The following FARP1 variants were observed in gnomAD, a reference collection of about 807,000 sequenced individuals.
FARP1 encodes FERM, ARHGEF and pleckstrin domain-containing protein 1.
In FARP1, 52 loss-of-function variants were observed where a neutral mutation model predicts 128.8. The ratio of observed to expected loss-of-function variants is 0.40; its 90% CI spans 0.32 to 0.51. FARP1 has a LOEUF of 0.51. FARP1 is among the 20% of genes least tolerant of loss of function. The probability of loss-of-function intolerance (pLI) is 0.45; values close to 1 mark genes in which losing one functional copy is unlikely to be tolerated. For missense variants in FARP1, 1,333 were observed against 1,367.9 expected, an observed-to-expected ratio of 0.97 and a Z score of 0.40; for synonymous variants, 580 against 551.8, an observed-to-expected ratio of 1.05 and a Z score of -0.72.
chr13:98,369,353 C>CTTT (rs35605642), intron 5 of FARP1, among the ~76,000 whole-genome samples: 5 of 139,100 alleles, frequency 3.6e-5, no homozygotes, highest in Non-Finnish European at 6.2e-5. Context: ...CAGCCTAATT[C>CTTT]TTTTTTTTTT....
At chr13:98,397,914 A>AG (rs1890613452) in intron 13 of FARP1, 1 of 113,718 alleles carries the variant, frequency 8.8e-6, no homozygotes, top group South Asian at 2.9e-4. Context: ...AAAAAAAAAA[A>AG]AAAAAGATAA....
chr13:98,446,061 G>C, intron 24 of FARP1, 37 bp from the exon 25 acceptor site: 1 of 1,414,000 alleles, frequency 7.1e-7, no homozygotes, highest in Non-Finnish European at 1.0e-6. Context: ...TGGGGCAGGT[G>C]CCCGCTGTGC....
chr13:98,181,615 T>TGAGAG, intron 1 of FARP1, among the ~76,000 whole-genome samples: 1 of 93,106 alleles, frequency 1.1e-5, no homozygotes, highest in African/African-American at 4.6e-5. Flanking sequence ...TTTATTTATT[T>TGAGAG]ATTTATTTAT....
chr13:98,393,656 A>G lies in FARP1; in HGVS notation c.1102A>G (p.Ile368Val). 10 of 1,613,948 alleles carry G rather than the reference A, an allele frequency of 6.2e-6. 1 individual carries two copies. In the South Asian group the frequency reaches 1.1e-4, roughly 18 times the overall value. ...KVQFERKHSK[I>V]HSIRSLASQP... is the part of the protein sequence containing the mutation. ...GATTTTTCCCAGGAAGCACAGCAAG[A>G]TTCATTCTATCCGGAGCCTTGCTTC... The change falls in exon 12 of 27, where the codon ATT becomes GTT. Residue 368 changes from isoleucine to valine, a missense_variant. By Grantham distance (29) the Ile-to-Val change is conservative (BLOSUM62 3). Around this residue, in one of 2 missense-constraint regions of FARP1, gnomAD observed 1,009 missense variants for 969.8 expected, o/e 1.04. Coordinates refer to ENST00000319562, the MANE Select transcript of FARP1 (RefSeq NM_005766.4).
In FARP1 at chr13:98,448,391, T is replaced by C. The variant is rs1166366650; in HGVS notation, c.*74T>C. The C allele has an allele frequency of 1.3e-5, 15 of 1,186,976 alleles. No individual in the cohort carries two copies. Among genetic ancestry groups the C allele is most frequent in the Non-Finnish European group, 1.8e-5 (14 of 794,170 alleles). The allele number at this position is 1,186,976 out of a possible 1,614,324, so 73.5% of individuals were successfully genotyped here. On this transcript the variant is annotated 3_prime_UTR_variant, in exon 27 of 27. Transcript: ENST00000319562. The stretch of plus-strand genomic sequence containing the variant: ...TCCTTTCTTCTGTATTAATGAAGCC[T>C]GGTAAAATTAACACCTGTCTGAAAA...
chr13:98,280,201 A>T (rs1194023291), intron 2 of FARP1, among the ~76,000 whole-genome samples: 2 of 152,184 alleles, frequency 1.3e-5, no homozygotes, highest in African/African-American at 4.8e-5. Context: ...AAAAACCAGC[A>T]GTGGCTTCCC....
intron 5 of FARP1, among the ~76,000 whole-genome samples, chr13:98,377,320 GA>G (rs1889631722): frequency 7.5e-6 from 1 of 133,358 alleles, no homozygotes; most frequent in Non-Finnish European, 1.6e-5. Context: ...AAAAAGAAAA[GA>G]AAATGAATTT....
intron 4 of FARP1, among the ~76,000 whole-genome samples, chr13:98,367,775 C>T (rs1168987665): frequency 6.6e-6 from 1 of 152,174 alleles, no homozygotes. Flanking sequence ...TGTATGTTTT[C>T]ATTATTTGGG....
At chr13:98,142,965 G>C (rs2139053839), upstream of FARP1, 1 of 150,302 alleles carries the variant, frequency 6.7e-6, no homozygotes, top group South Asian at 2.1e-4. Flanking sequence ...GGGCGGGGCG[G>C]GCGCAGGGCG....
At chr13:98,424,980 G>A (rs1165172046) in intron 17 of FARP1, among the ~76,000 whole-genome samples, 1 of 151,396 alleles carries the variant, frequency 6.6e-6, no homozygotes, top group African/African-American at 2.4e-5. Context: ...TTCCAATGTG[G>A]TCCACGGAAG....
chr13:98,308,063 T>TGCTAAATGCAGC (rs1886263407), intron 2 of FARP1, among the ~76,000 whole-genome samples: 1 of 110,450 alleles, frequency 9.1e-6, no homozygotes, highest in Admixed American at 1.1e-4. Context: ...TTTTTTTTTT[T>TGCTAAATGCAGC]TTGCTAAATG....
chr13:98,289,531 C>T (rs1053414374), intron 2 of FARP1, among the ~76,000 whole-genome samples: 3 of 152,208 alleles, frequency 2.0e-5, no homozygotes, highest in Admixed American at 6.5e-5. Flanking sequence ...AGCTGGGCAG[C>T]ATTCTTCCAG....
At chr13:98,415,001 A>G (rs1891323142) in intron 16 of FARP1, among the ~76,000 whole-genome samples, 1 of 152,242 alleles carries the variant, frequency 6.6e-6, no homozygotes, top group Non-Finnish European at 1.5e-5. Context: ...CTGAACACAG[A>G]AAAGGATTTC....
chr13:98,149,618 A>G (rs1875827360), intron 1 of FARP1, among the ~76,000 whole-genome samples: 1 of 131,392 alleles, frequency 7.6e-6, no homozygotes, highest in Non-Finnish European at 1.7e-5. Context: ...TCCAGTGGCT[A>G]TGTAGTGATA....
chr13:98,442,946 C>T (rs1288676236), intron 24 of FARP1, among the ~76,000 whole-genome samples: 5 of 152,250 alleles, frequency 3.3e-5, no homozygotes, highest in Admixed American at 1.3e-4. Flanking sequence ...GGCCATTCAA[C>T]GAGGCAGCAA....
chr13:98,240,098 C>T (rs1882676186), intron 2 of FARP1, among the ~76,000 whole-genome samples: 1 of 152,168 alleles, frequency 6.6e-6, no homozygotes, highest in Non-Finnish European at 1.5e-5. Flanking sequence ...GGGCCTTGAT[C>T]ATCTCTTCTA....
At chr13:98,262,286 G>A (rs1883922430) in intron 2 of FARP1, among the ~76,000 whole-genome samples, 1 of 151,564 alleles carries the variant, frequency 6.6e-6, no homozygotes, top group Admixed American at 6.6e-5. Flanking sequence ...CTCTCAAAGT[G>A]CTGGGATTAC....
chr13:98,239,591 G>T (rs777044052), intron 2 of FARP1, among the ~76,000 whole-genome samples: 8 of 152,164 alleles, frequency 5.3e-5, no homozygotes, highest in Admixed American at 3.9e-4. Flanking sequence ...GCTGAGGTCC[G>T]GATTAGGCAG....
chr13:98,445,801 C>T (rs7983522), intron 24 of FARP1: 197,772 of 275,490 alleles, frequency 0.72, 74,917 homozygotes, highest in Non-Finnish European at 0.83. Flanking sequence ...TACCCTGCAA[C>T]GAGCCTATTT....
Sources: allele counts gnomAD v4.1 joint callset (sites outside exome capture counted in the v4.1 genomes callset), GRCh38; gene constraint gnomAD v4.1.1; regional missense constraint gnomAD v4.1.1; transcripts MANE v1.5; gene names NCBI Gene and HGNC (gene_info 2026-07-23, HGNC 2026-07-21).